The following SORCS3 variants were observed in gnomAD, a reference collection of about 807,000 sequenced individuals.
The protein encoded by SORCS3 is VPS10 domain-containing receptor SorCS3.
A neutral mutation model predicts 146.3 loss-of-function variants in SORCS3; 57 were observed. That is an observed-to-expected ratio of 0.39 (90% CI 0.31 to 0.49). The LOEUF (loss-of-function observed/expected upper bound fraction) is 0.49. Among genes scored for constraint, SORCS3 ranks in the 20% least tolerant of loss-of-function variants. The pLI, the probability that SORCS3 is intolerant of heterozygous loss-of-function variation, is 0.92. For synonymous variants in SORCS3, 653 were observed against 618.5 expected, an observed-to-expected ratio of 1.06 and a Z score of -0.83; for missense variants, 1,341 against 1,575.5, an observed-to-expected ratio of 0.85 and a Z score of 2.52.
intron 1 of SORCS3, among the ~76,000 whole-genome samples, chr10:104,807,628 G>A (rs901548012): frequency 6.6e-6 from 1 of 152,182 alleles, no homozygotes; most frequent in Non-Finnish European, 1.5e-5. Flanking sequence ...CATTCTCCAA[G>A]TGCTTTCTTC....
chr10:105,227,316 G>A (rs1339514743), intron 20 of SORCS3, among the ~76,000 whole-genome samples: 1 of 151,936 alleles, frequency 6.6e-6, no homozygotes, highest in Non-Finnish European at 1.5e-5. Flanking sequence ...CCAACATTCA[G>A]AAGCATATCA....
At chr10:105,014,603 A>G (rs2055154749) in intron 4 of SORCS3, among the ~76,000 whole-genome samples, 1 of 152,202 alleles carries the variant, frequency 6.6e-6, no homozygotes, top group Admixed American at 6.5e-5. Flanking sequence ...AGACAAGCCA[A>G]CAAAATGATT....
At chr10:105,037,974 A>T (rs745441633) in intron 4 of SORCS3, among the ~76,000 whole-genome samples, 3 of 152,228 alleles carry the variant, frequency 2.0e-5, no homozygotes, top group Non-Finnish European at 4.4e-5. Flanking sequence ...GGGAACTAAT[A>T]ACGGAATCAA....
chr10:104,926,411 A>T (rs2019146100), intron 3 of SORCS3, among the ~76,000 whole-genome samples: 2 of 151,964 alleles, frequency 1.3e-5, no homozygotes, highest in Non-Finnish European at 2.9e-5. Flanking sequence ...GGGAAAATGT[A>T]TGAAAGGAAG....
chr10:104,931,744 G>A (rs1401879556), intron 3 of SORCS3, among the ~76,000 whole-genome samples: 1 of 152,224 alleles, frequency 6.6e-6, no homozygotes, highest in Non-Finnish European at 1.5e-5. Flanking sequence ...TTGACAGCCT[G>A]TTTTTATAGG....
chr10:105,226,619 T>A (rs899515399), intron 20 of SORCS3, among the ~76,000 whole-genome samples: 12 of 152,054 alleles, frequency 7.9e-5, no homozygotes, highest in African/African-American at 2.9e-4. Context: ...TGGAATACTT[T>A]GTGAAGAGTT....
chr10:105,196,459 G>A (rs2056544636), intron 14 of SORCS3, among the ~76,000 whole-genome samples: 1 of 152,134 alleles, frequency 6.6e-6, no homozygotes, highest in African/African-American at 2.4e-5. Flanking sequence ...TACAAAATTA[G>A]CTGAGTGTGG....
chr10:104,649,393 G>C (rs1258665692), intron 1 of SORCS3, among the ~76,000 whole-genome samples: 2 of 152,248 alleles, frequency 1.3e-5, no homozygotes, highest in African/African-American at 4.8e-5. Context: ...GTACAGGGCA[G>C]AGTGCTTAAA....
chr10:105,116,584 CAT>C (rs1261140142), intron 7 of SORCS3, among the ~76,000 whole-genome samples: 2 of 152,076 alleles, frequency 1.3e-5, no homozygotes, highest in African/African-American at 4.8e-5. Flanking sequence ...CACATGCACA[CAT>C]GTGTTCATCA....
intron 4 of SORCS3, among the ~76,000 whole-genome samples, chr10:105,006,246 C>T (rs1448477886): frequency 6.6e-6 from 1 of 152,158 alleles, no homozygotes; most frequent in Non-Finnish European, 1.5e-5. Context: ...CTGGCCAATT[C>T]TTCTAATTTC....
intron 13 of SORCS3, among the ~76,000 whole-genome samples, chr10:105,169,513 G>A (rs1250848946): frequency 6.6e-6 from 1 of 152,046 alleles, no homozygotes; most frequent in East Asian, 1.9e-4. Flanking sequence ...AGGATTTACA[G>A]GAGAGGTGAG....
In SORCS3 at chr10:104,761,098, G is replaced by A. The variant is rs983976170; in HGVS notation, c.628-81694G>A. Among the ~76,000 whole-genome samples, 6 of 152,108 alleles carry A rather than the reference G, an allele frequency of 3.9e-5. No individual in the cohort carries two copies. In the South Asian group the frequency reaches 8.3e-4, roughly 21 times the overall value. On this transcript the variant is annotated intron_variant, in intron 1 of 26. Transcript: ENST00000369701. ...AATGATGCCAAATAAATGAAAATGT[G>A]ATTGTTTAGCCCTTTGATCTTCAAA...
chr10:105,130,876 A>G (rs992906193), intron 7 of SORCS3, among the ~76,000 whole-genome samples: 4 of 152,186 alleles, frequency 2.6e-5, no homozygotes, highest in Non-Finnish European at 5.9e-5. Flanking sequence ...AGGAGATGAC[A>G]TGCTGATAGG....
intron 1 of SORCS3, among the ~76,000 whole-genome samples, chr10:104,696,659 TATATATAATATATAAC>T (rs67070713): frequency 0.51 from 15,601 of 30,324 alleles, 4,229 homozygotes; most frequent in East Asian, 0.68. Context: ...ATTATATACG[TATATATAATATATAAC>T]ATATATAATA....
intron 1 of SORCS3, among the ~76,000 whole-genome samples, chr10:104,838,566 TCA>T (rs1445322527): frequency 6.6e-6 from 1 of 152,182 alleles, no homozygotes; most frequent in Non-Finnish European, 1.5e-5. Context: ...CCTATAATTC[TCA>T]GTGTTTTGAC....
At chr10:105,217,395 C>T (rs1335123088) in intron 19 of SORCS3, among the ~76,000 whole-genome samples, 1 of 152,188 alleles carries the variant, frequency 6.6e-6, no homozygotes, top group African/African-American at 2.4e-5. Flanking sequence ...CACACACATT[C>T]AGGTAAAAGT....
intron 2 of SORCS3, among the ~76,000 whole-genome samples, chr10:104,858,660 C>T (rs1387951932): frequency 6.8e-6 from 1 of 147,768 alleles, no homozygotes; most frequent in African/African-American, 2.5e-5. Flanking sequence ...CTCGCTCTGT[C>T]GCCCAGGCTG....
chr10:104,764,252 T>C (rs2017155267), intron 1 of SORCS3, among the ~76,000 whole-genome samples: 1 of 152,192 alleles, frequency 6.6e-6, no homozygotes, highest in Admixed American at 6.5e-5. Flanking sequence ...TATCAAACTT[T>C]AATGTGCATG....
chr10:104,903,674 A>C (rs1203751926), intron 2 of SORCS3, among the ~76,000 whole-genome samples: 1 of 152,154 alleles, frequency 6.6e-6, no homozygotes, highest in East Asian at 1.9e-4. Flanking sequence ...AGCCTCCATG[A>C]CTCTCTTCAG....
Sources: gnomAD v4.1 joint callset for allele counts (sites outside exome capture counted in the v4.1 genomes callset) on GRCh38, gnomAD v4.1.1 for gene constraint, MANE v1.5 for transcripts, NCBI Gene and HGNC (gene_info 2026-07-23, HGNC 2026-07-21) for gene names.